ZNF670: variants seen among roughly 807,000 people sequenced by gnomAD.
ZNF670 encodes zinc finger protein 670.
In ZNF670, 7 loss-of-function variants were observed where a neutral mutation model predicts 10.9. The ratio of observed to expected loss-of-function variants is 0.64; its 90% CI spans 0.36 to 1.20. The LOEUF is 1.20. Among genes scored for constraint, ZNF670 ranks in the 50% most tolerant of loss-of-function variants. ZNF670 has a pLI of 0.02. For synonymous variants in ZNF670, 136 were observed against 152.7 expected (o/e 0.89, Z 0.81); for missense variants, 446 against 458.6 (o/e 0.97, Z 0.25).
chr1:247,073,886 G>A, intron 1 of ZNF670, among the ~76,000 whole-genome samples: 1 of 152,078 alleles, frequency 6.6e-6, no homozygotes, highest in Middle Eastern at 3.2e-3. Flanking sequence ...AAACAACTAT[G>A]CCCAGAACTC....
chr1:247,075,361 T>G (rs2103074806), intron 1 of ZNF670, among the ~76,000 whole-genome samples: 1 of 152,350 alleles, frequency 6.6e-6, no homozygotes, highest in South Asian at 2.1e-4. Context: ...CACCAATTTA[T>G]CTACAACACT....
At chr1:247,059,385 G>C (rs1670801689) in intron 1 of ZNF670, among the ~76,000 whole-genome samples, 2 of 152,164 alleles carry the variant, frequency 1.3e-5, no homozygotes, top group African/African-American at 4.8e-5. Context: ...GGCTGAGCTT[G>C]CAGTGAGCTG....
chr1:247,072,072 T>C (rs1671130135), intron 1 of ZNF670, among the ~76,000 whole-genome samples: 1 of 152,032 alleles, frequency 6.6e-6, no homozygotes, highest in Non-Finnish European at 1.5e-5. Context: ...TTAGCCAGGA[T>C]GATCTTGATC....
intron 1 of ZNF670, among the ~76,000 whole-genome samples, chr1:247,075,386 T>C (rs1422728108): frequency 6.6e-6 from 1 of 152,226 alleles, no homozygotes; most frequent in Non-Finnish European, 1.5e-5. Flanking sequence ...TGTGGAAATG[T>C]ATTCATTTTT....
intron 1 of ZNF670, among the ~76,000 whole-genome samples, chr1:247,051,074 C>T (rs1670581999): frequency 1.3e-5 from 2 of 151,394 alleles, no homozygotes; most frequent in South Asian, 2.1e-4. Flanking sequence ...TTTGGGAGGC[C>T]GAGGCGGGTG....
chr1:247,076,237 T>C (rs1671248859), intron 1 of ZNF670, among the ~76,000 whole-genome samples: 1 of 151,638 alleles, frequency 6.6e-6, no homozygotes, highest in African/African-American at 2.4e-5. Flanking sequence ...GACACTGTAC[T>C]GTGCCCCACT....
At chr1:247,068,875 A>G (rs1221850186) in intron 1 of ZNF670, among the ~76,000 whole-genome samples, 1 of 150,054 alleles carries the variant, frequency 6.7e-6, no homozygotes, top group African/African-American at 2.5e-5. Context: ...GTTTGCAGCA[A>G]CAACACGGAT....
At chr1:247,053,387 CT>C (rs1180225830) in intron 1 of ZNF670, among the ~76,000 whole-genome samples, 1 of 152,138 alleles carries the variant, frequency 6.6e-6, no homozygotes, top group Non-Finnish European at 1.5e-5. Flanking sequence ...AATCCCAGTA[CT>C]TTGGGAGGCC....
rs150882681 is a variant in ZNF670 at position 247,038,282 on chromosome 1, T to G, written c.337A>C (p.Ile113Leu). 4 of 1,614,090 alleles carry G rather than the reference T, an allele frequency of 2.5e-6. No homozygotes were observed. The African/African-American group carries it at 4.0e-5, about 16-fold the overall frequency. ...CECSVCGKVFICHSALHRHIL... is the reference protein window; with the variant it reads ...CECSVCGKVFLCHSALHRHIL... ...TGCCTATGAAGGGCTGAATGACATA[T>G]GAAGACTTTTCCACACACACTGCAT... Residue 113 changes from isoleucine (I) to leucine (L), a missense_variant, in exon 4 of 4, where the codon ATA becomes CTA. Physicochemically the swap from Ile to Leu is conservative, Grantham distance 5. Coordinates refer to ENST00000366503, the MANE Select transcript of ZNF670 (RefSeq NM_033213.5).
chr1:247,066,886 T>C (rs1479982191), intron 1 of ZNF670, among the ~76,000 whole-genome samples: 1 of 152,216 alleles, frequency 6.6e-6, no homozygotes, highest in African/African-American at 2.4e-5. Context: ...TGTTGATAAC[T>C]CTCTCAACCA....
At position 247,040,980 on chromosome 1, in the gene ZNF670, T is replaced by C. The variant is rs2493605; in HGVS notation, c.4-1443A>G. Among the ~76,000 whole-genome samples the C allele has an allele frequency of 2.7e-3, 408 of 152,304 alleles. 4 individuals are homozygous for C. Among genetic ancestry groups the C allele is most frequent in the African/African-American group, 9.5e-3 (396 of 41,566 alleles). On this transcript the variant is annotated intron_variant, in intron 1 of 3. Coordinates refer to ENST00000366503, the MANE Select transcript of ZNF670 (RefSeq NM_033213.5). ...AAAGTGCTGGGCTTACAAGCCACTG[T>C]GCCTGGCCTGTAAGCAGGAATTTTG...
At chr1:247,058,518 T>C (rs1670773171) in intron 1 of ZNF670, among the ~76,000 whole-genome samples, 2 of 152,018 alleles carry the variant, frequency 1.3e-5, no homozygotes, top group Non-Finnish European at 2.9e-5. Context: ...GCAACACTGA[T>C]AGAAAACATC....
At chr1:247,057,127 A>AGGG (rs1670737997) in intron 1 of ZNF670, among the ~76,000 whole-genome samples, 1 of 152,222 alleles carries the variant, frequency 6.6e-6, no homozygotes, top group African/African-American at 2.4e-5. Context: ...AACAGAATAC[A>AGGG]TAAGGATTTC....
intron 1 of ZNF670, among the ~76,000 whole-genome samples, chr1:247,057,869 A>C (rs947621902): frequency 4.6e-5 from 7 of 152,148 alleles, no homozygotes; most frequent in African/African-American, 1.4e-4. Flanking sequence ...GGGATGTGGG[A>C]ATGTTTAATG....
At chr1:247,066,178 G>T (rs1670976028) in intron 1 of ZNF670, among the ~76,000 whole-genome samples, 1 of 152,208 alleles carries the variant, frequency 6.6e-6, no homozygotes, top group Admixed American at 6.5e-5. Context: ...ACTATAAACA[G>T]ATCTTTGGAA....
intron 1 of ZNF670, among the ~76,000 whole-genome samples, chr1:247,058,707 G>GT (rs916933220): frequency 1.9e-5 from 2 of 104,420 alleles, no homozygotes; most frequent in Non-Finnish European, 3.7e-5. Flanking sequence ...CCTACAGACA[G>GT]TTAAAAAAAA....
chr1:247,045,726 C>G (rs920142596), intron 1 of ZNF670, among the ~76,000 whole-genome samples: 2 of 152,140 alleles, frequency 1.3e-5, no homozygotes, highest in Admixed American at 6.5e-5. Flanking sequence ...AATGTGAAAG[C>G]AGCTTTGGAA....
intron 1 of ZNF670, among the ~76,000 whole-genome samples, chr1:247,077,554 T>C (rs1419668970): frequency 1.3e-5 from 2 of 152,194 alleles, no homozygotes; most frequent in African/African-American, 4.8e-5. Context: ...TTTCCACTCA[T>C]GTGTAATGTT....
chr1:247,053,095 C>A (rs918241959), intron 1 of ZNF670, among the ~76,000 whole-genome samples: 6 of 152,228 alleles, frequency 3.9e-5, no homozygotes, highest in Non-Finnish European at 8.8e-5. Flanking sequence ...ACAGGCCTCA[C>A]GCAGTTCCCA....
Sources: allele counts gnomAD v4.1 joint callset (sites outside exome capture counted in the v4.1 genomes callset), GRCh38; gene constraint gnomAD v4.1.1; transcripts MANE v1.5; gene names NCBI Gene and HGNC (gene_info 2026-07-23, HGNC 2026-07-21).